The following LYG1 variants were observed in gnomAD, a reference collection of about 807,000 sequenced individuals.
LYG1 encodes lysozyme g1, also known as lysozyme g-like protein 1.
A neutral mutation model predicts 21.7 loss-of-function variants in LYG1; 17 were observed. That is an observed-to-expected ratio of 0.78 (90% CI 0.54 to 1.18). The LOEUF (loss-of-function observed/expected upper bound fraction) is 1.18. Among genes scored for constraint, LYG1 ranks in the 50% most tolerant of loss-of-function variants. The pLI is 0.00. For missense variants in LYG1, 211 were observed against 238.1 expected (o/e 0.89, Z 0.75); for synonymous variants, 81 against 87.4 (o/e 0.93, Z 0.41).
chr2:99,293,109 A>G (rs1050470688), intron 3 of LYG1, among the ~76,000 whole-genome samples: 4 of 145,182 alleles, frequency 2.8e-5, no homozygotes, highest in African/African-American at 1.0e-4. Context: ...CTCCTGCTTC[A>G]GCCTCCCAAG....
In LYG1 at chr2:99,284,437, C is replaced by T; in HGVS notation, c.541G>A (p.Asp181Asn). 1 of 1,614,200 alleles carries T rather than the reference C, an allele frequency of 6.2e-7. No homozygotes were observed. The highest frequency in any genetic ancestry group is 8.5e-7 in the Non-Finnish European group (1 of 1,180,024). Residue 181 changes from aspartate (D) to asparagine (N), a missense_variant, in exon 7 of 7, where the codon GAT becomes AAT. Asp to Asn is a conservative substitution (Grantham distance 23, BLOSUM62 1). Coordinates refer to ENST00000308528, the MANE Select transcript of LYG1 (RefSeq NM_174898.3). ...SQDLSCDFCN[D>N]VLARAKYLKR... ...AGGTACTTGGCTCGTGCAAGGACAT[C>T]ATTGCAGAAGTCACAGCTCAGGTCC...
chr2:99,296,452 C>T (rs932388234), intron 2 of LYG1, among the ~76,000 whole-genome samples: 22 of 152,336 alleles, frequency 1.4e-4, no homozygotes, highest in African/African-American at 5.3e-4. Context: ...AGCACCCGCT[C>T]ATGTGCTCTC....
chr2:99,289,396 C>T (rs1308632613), intron 5 of LYG1, among the ~76,000 whole-genome samples: 2 of 150,890 alleles, frequency 1.3e-5, no homozygotes, highest in African/African-American at 4.9e-5. Flanking sequence ...GCAGAGGTTG[C>T]AGTGAGCTAA....
intron 1 of LYG1, among the ~76,000 whole-genome samples, chr2:99,299,658 C>T (rs1289018487): frequency 2.6e-5 from 4 of 152,076 alleles, no homozygotes; most frequent in Non-Finnish European, 4.4e-5. Flanking sequence ...CTCCAGGGCT[C>T]AAGCAATCTG....
chr2:99,299,284 CTTTTTTTT>C lies in LYG1; in HGVS notation c.-123-743_-123-736del, dbSNP rs759326268. ...TTTTTCTTTTTCTTTTTCTTTTTTT[CTTTTTTTT>C]TTTTTTTTAATCGAGACAAGGTCTC... is the stretch of plus-strand genomic sequence containing the variant. On this transcript the variant is annotated intron_variant, in intron 1 of 6. Coordinates refer to ENST00000308528, the MANE Select transcript of LYG1 (RefSeq NM_174898.3). 1.9e-4 allele frequency among the ~76,000 whole-genome samples: 24 copies of C among 124,638 alleles called. No homozygotes were observed. The East Asian group carries it at 4.8e-3, about 25-fold the overall frequency. The allele number at this position is 124,638 out of a possible 152,430, so 81.8% of individuals were successfully genotyped here. A position where few individuals can be genotyped will look rare whatever the true frequency, so the allele number is the denominator to read the frequency against.
intron 1 of LYG1, among the ~76,000 whole-genome samples, chr2:99,300,425 G>C (rs549065622): frequency 6.6e-6 from 1 of 152,118 alleles, no homozygotes; most frequent in East Asian, 1.9e-4. Context: ...AGATTTCCCC[G>C]TGAACGTTTC....
intron 5 of LYG1, among the ~76,000 whole-genome samples, chr2:99,286,596 C>T (rs539359855): frequency 5.3e-5 from 8 of 152,046 alleles, no homozygotes; most frequent in East Asian, 3.9e-4. Context: ...CCCAGCTACT[C>T]GGGAGGCTGG....
intron 4 of LYG1, among the ~76,000 whole-genome samples, chr2:99,292,199 C>T (rs1311051535): frequency 2.6e-5 from 4 of 152,074 alleles, no homozygotes; most frequent in Admixed American, 2.0e-4. Flanking sequence ...GCAGGAGAAT[C>T]GCTTAAACCG....
At chr2:99,288,672 G>A (rs13430662) in intron 5 of LYG1, among the ~76,000 whole-genome samples, 4,875 of 152,140 alleles carry the variant, frequency 0.032, 172 homozygotes, top group South Asian at 0.16. Context: ...AGGCTCCAGC[G>A]ATTCTCCTGC....
intron 1 of LYG1, among the ~76,000 whole-genome samples, chr2:99,299,076 C>A (rs1469452854): frequency 6.6e-6 from 1 of 151,448 alleles, no homozygotes; most frequent in Non-Finnish European, 1.5e-5. Context: ...AGACTACAGG[C>A]ACTCCACGCC....
Position 99,301,094 on chromosome 2 carries a change from C to A in LYG1, c.-168G>T, listed in dbSNP as rs1279306357. ...CTCCTTAGAGGTGGTGAGCCCACAG[C>A]GATTTATATAGAGTCCTGTTCTCTT... On this transcript the variant is annotated 5_prime_UTR_variant, in exon 1 of 7. Transcript: ENST00000308528. 2.1e-5 allele frequency: 3 copies of A among 144,568 alleles called. No individual in the cohort carries two copies. Among genetic ancestry groups the A allele is most frequent in the Non-Finnish European group, 4.5e-5 (3 of 66,256 alleles). 9.0% of individuals were successfully genotyped at this position (144,568 alleles called of 1,614,324 possible).
Position 99,295,566 on chromosome 2 carries a change from T to C in LYG1, c.43+62A>G, listed in dbSNP as rs941909426. The C allele has an allele frequency of 2.5e-6, 4 of 1,571,300 alleles. No individual in the cohort carries two copies. In the African/African-American group the frequency reaches 4.1e-5, roughly 16 times the overall value. On this transcript the variant is annotated intron_variant, in intron 3 of 6. Coordinates refer to ENST00000308528, the MANE Select transcript of LYG1 (RefSeq NM_174898.3). ...GCATTTTCAAGTATTAGAAGTGCCA[T>C]TGTGTTCCTGTGCTTATCCTTCCCA...
chr2:99,294,842 A>G (rs1247187012), intron 3 of LYG1, among the ~76,000 whole-genome samples: 1 of 152,156 alleles, frequency 6.6e-6, no homozygotes, highest in Non-Finnish European at 1.5e-5. Flanking sequence ...GGCTGGGCGC[A>G]GTGGATCACC....
At chr2:99,296,646 A>C (rs1453143595) in intron 2 of LYG1, among the ~76,000 whole-genome samples, 5 of 152,134 alleles carry the variant, frequency 3.3e-5, no homozygotes, top group Admixed American at 2.0e-4. Context: ...CTGCCACTCC[A>C]GGGTGTATGT....
chr2:99,298,588 T>C (rs1308111039), intron 1 of LYG1, 39 bp from the exon 2 acceptor site: 1 of 152,238 alleles, frequency 6.6e-6, no homozygotes, highest in Non-Finnish European at 1.5e-5. Context: ...GTCTTATGGT[T>C]TTCTCACCTT....
intron 5 of LYG1, among the ~76,000 whole-genome samples, chr2:99,285,263 G>T (rs551105597): frequency 6.6e-6 from 1 of 152,214 alleles, no homozygotes; most frequent in East Asian, 1.9e-4. Flanking sequence ...TTGGGAGGCT[G>T]AGGTGGGAGG....
intron 5 of LYG1, among the ~76,000 whole-genome samples, chr2:99,289,654 A>G (rs563311914): frequency 6.6e-6 from 1 of 152,116 alleles, no homozygotes; most frequent in African/African-American, 2.4e-5. Flanking sequence ...CCCTCCTTCA[A>G]TGCTGCCAGT....
intron 5 of LYG1, among the ~76,000 whole-genome samples, chr2:99,289,870 GTTT>G (rs869211622): frequency 6.8e-6 from 1 of 146,290 alleles, no homozygotes; most frequent in Admixed American, 7.1e-5. Flanking sequence ...TGTTGTTGTT[GTTT>G]TTTGAGATGG....
At chr2:99,296,662 T>C (rs966613826) in intron 2 of LYG1, among the ~76,000 whole-genome samples, 2 of 152,202 alleles carry the variant, frequency 1.3e-5, no homozygotes, top group African/African-American at 2.4e-5. Context: ...TATGTCATCA[T>C]TGCCCCAGTC....
Sources: gnomAD v4.1 joint callset for allele counts (sites outside exome capture counted in the v4.1 genomes callset) on GRCh38, gnomAD v4.1.1 for gene constraint, MANE v1.5 for transcripts, NCBI Gene and HGNC (gene_info 2026-07-23, HGNC 2026-07-21) for gene names.